The following RABL6 variants were observed in gnomAD, a reference collection of about 807,000 sequenced individuals.
The protein encoded by RABL6 is rab-like protein 6.
In RABL6, 28 loss-of-function variants were observed where a neutral mutation model predicts 72.9. The observed-to-expected ratio is 0.38, with a 90% CI of 0.28 to 0.53. The LOEUF (loss-of-function observed/expected upper bound fraction) is 0.53. Among genes scored for constraint, RABL6 ranks in the 20% least tolerant of loss-of-function variants. The probability of loss-of-function intolerance (pLI) is 0.80; values close to 1 mark genes in which losing one functional copy is unlikely to be tolerated. For synonymous variants in RABL6, 477 were observed against 421.2 expected, an observed-to-expected ratio of 1.13 and a Z score of -1.62; for missense variants, 1,029 against 1,008.4, an observed-to-expected ratio of 1.02 and a Z score of -0.28.
chr9:136,822,374 G>C (rs1848256806), intron 1 of RABL6, among the ~76,000 whole-genome samples: 1 of 152,096 alleles, frequency 6.6e-6, no homozygotes, highest in Non-Finnish European at 1.5e-5. Context: ...CTGGAAACGT[G>C]GAGGACGGCC....
intron 1 of RABL6, among the ~76,000 whole-genome samples, chr9:136,810,689 C>T (rs545348843): frequency 1.3e-4 from 20 of 152,176 alleles, no homozygotes; most frequent in Admixed American, 6.5e-4. Flanking sequence ...CTATAGGCAC[C>T]GGCCACCACG....
chr9:136,817,450 G>T, intron 1 of RABL6, among the ~76,000 whole-genome samples: 1 of 152,214 alleles, frequency 6.6e-6, no homozygotes, highest in East Asian at 1.9e-4. Context: ...AGAGGAGCAT[G>T]CAGTGGACTG....
At chr9:136,828,997 ACT>A (rs1380446166) in intron 4 of RABL6, among the ~76,000 whole-genome samples, 6 of 151,992 alleles carry the variant, frequency 3.9e-5, no homozygotes, top group African/African-American at 1.2e-4. Context: ...GGGTGGAGTG[ACT>A]CTGCCCACAG....
At chr9:136,819,118 C>T (rs183703410) in intron 1 of RABL6, among the ~76,000 whole-genome samples, 17 of 151,864 alleles carry the variant, frequency 1.1e-4, no homozygotes, top group East Asian at 1.9e-4. Flanking sequence ...GTCAGGAGAT[C>T]GAGACCATCC....
chr9:136,839,002 T>A lies in RABL6; in HGVS notation c.1374T>A (p.Pro458=). The change falls in exon 11 of 15, where the codon CCT becomes CCA. Residue 458 remains proline, a synonymous_variant. Transcript: ENST00000311502. ...AGCCACGTGGGAGTCCCCCGCTGCC[T>A]GCAGGCCCCGTCCCCAGTCAAGACA... is the stretch of plus-strand genomic sequence containing the variant. ...EDQPRGSPPL[P]AGPVPSQDIT... is the part of the protein sequence containing the mutation. The A allele has an allele frequency of 1.2e-6, 2 of 1,612,210 alleles. No individual in the cohort carries two copies. The highest frequency in any genetic ancestry group is 1.7e-6 in the Non-Finnish European group (2 of 1,179,686).
At chr9:136,828,641 C>T in intron 4 of RABL6, 95 bp downstream of exon 4, 1 of 1,355,834 alleles carries the variant, frequency 7.4e-7, no homozygotes, top group Non-Finnish European at 1.0e-6. Flanking sequence ...CCCCAACCAC[C>T]CCAGTTATGC....
At chr9:136,814,991 T>G (rs550890366) in intron 1 of RABL6, 2 of 175,062 alleles carry the variant, frequency 1.1e-5, no homozygotes, top group African/African-American at 4.8e-5. Flanking sequence ...AGGAACAGCA[T>G]TTGTAGAAGC....
chr9:136,828,392 C>T (rs1004640722), intron 3 of RABL6, 102 bp from the exon 4 acceptor site: 2 of 1,209,842 alleles, frequency 1.7e-6, no homozygotes, highest in African/African-American at 1.5e-5. Context: ...AGTAGAGCAC[C>T]CGCTGGAGCT....
intron 7 of RABL6, chr9:136,833,555 C>A (rs1848525618): frequency 1.1e-6 from 1 of 944,718 alleles, no homozygotes; most frequent in Non-Finnish European, 1.5e-6. Context: ...CCTGAATCTC[C>A]TCACCCTGGG....
chr9:136,813,161 G>A (rs1345212367), intron 1 of RABL6: 16 of 464,786 alleles, frequency 3.4e-5, no homozygotes, highest in Non-Finnish European at 1.2e-5. Context: ...AGTTTTAGAT[G>A]GCTGGCTCCT....
intron 5 of RABL6, chr9:136,831,136 T>C (rs1260082527): frequency 6.5e-6 from 1 of 154,644 alleles, no homozygotes; most frequent in East Asian, 1.9e-4. Context: ...CTTGAAGCGC[T>C]GGTTATTTCT....
At chr9:136,834,744 C>A (rs958477400) in intron 7 of RABL6, among the ~76,000 whole-genome samples, 13 of 152,082 alleles carry the variant, frequency 8.5e-5, no homozygotes, top group African/African-American at 3.1e-4. Flanking sequence ...CCCCAAAGTG[C>A]TGGGATTACA....
chr9:136,824,326 G>GTTTTTT (rs34760204), intron 2 of RABL6, among the ~76,000 whole-genome samples: 11 of 75,044 alleles, frequency 1.5e-4, no homozygotes, highest in South Asian at 5.4e-4. Flanking sequence ...GTTTGGTTGG[G>GTTTTTT]TTTTTTTTTT....
Position 136,822,956 on chromosome 9 carries a change from C to T in RABL6, c.131-569C>T, listed in dbSNP as rs201440023. On this transcript the variant is annotated intron_variant, in intron 1 of 14. Coordinates refer to ENST00000311502, the MANE Select transcript of RABL6 (RefSeq NM_024718.5). ...ACAAAAAATTAGCTGGACATGGTGG[C>T]GGGCGCCTGTAGTCCCAGCTACTCG... Among the ~76,000 whole-genome samples, 324 of 152,188 alleles carry T rather than the reference C, an allele frequency of 2.1e-3. 5 individuals carry two copies. The East Asian group carries it at 0.042, about 20-fold the overall frequency.
intron 1 of RABL6, among the ~76,000 whole-genome samples, chr9:136,816,312 C>T (rs1848117862): frequency 6.6e-6 from 1 of 152,000 alleles, no homozygotes; most frequent in Non-Finnish European, 1.5e-5. Flanking sequence ...ACCATGTTGC[C>T]CAGGCTGGTC....
chr9:136,840,771 G>A lies in RABL6; in HGVS notation c.*249G>A. The stretch of plus-strand genomic sequence containing the variant: ...TTCAGCCAGGCTCGGTGGACACCCT[G>A]GCCCTCTCGGGGCAGAGCCGCCAGT... On this transcript the variant is annotated 3_prime_UTR_variant, in exon 15 of 15. Coordinates refer to ENST00000311502, the MANE Select transcript of RABL6 (RefSeq NM_024718.5). 6.5e-7 allele frequency: 1 copy of A among 1,548,060 alleles called. No individual in the cohort carries two copies. Among genetic ancestry groups the A allele is most frequent in the Non-Finnish European group, 8.7e-7 (1 of 1,146,828 alleles).
At position 136,826,040 on chromosome 9, in the gene RABL6, A is replaced by G. The variant is rs1461391432; in HGVS notation, c.313+214A>G. Among the ~76,000 whole-genome samples the G allele has an allele frequency of 6.6e-6, 1 of 151,692 alleles. No homozygotes were observed. The highest frequency in any genetic ancestry group is 1.5e-5 in the Non-Finnish European group (1 of 67,934). On this transcript the variant is annotated intron_variant, in intron 3 of 14. Transcript: ENST00000311502. This position sits in a 1 kb window ranked among gnomAD's most constrained non-coding sequence, Gnocchi z 4.9. ...ACTGCATGCTTTGCTGCTTTAGCAT[A>G]CTCCCCGTCTCTGAGTGACCGCGTG...
Position 136,840,418 on chromosome 9 carries a change from C to CCGCGCAGCAGGGAGAGGA in RABL6, c.2089_2106dup (p.Arg697_Thr702dup), listed in dbSNP as rs1320430180. ...GCGGCGACGGCGGCAGCAGCGGCCCCCGCGCAGCAGGGAGAGGACGGCTGC... is the reference window on the plus strand; with the variant it reads ...GCGGCGACGGCGGCAGCAGCGGCCCCCGCGCAGCAGGGAGAGGACGCGCAGCAGGGAGAGGACGGCTGC... On this transcript the variant is annotated inframe_insertion, in exon 15 of 15. Coordinates refer to ENST00000311502, the MANE Select transcript of RABL6 (RefSeq NM_024718.5). 1.9e-6 allele frequency: 3 copies of CCGCGCAGCAGGGAGAGGA among 1,549,974 alleles called. No individual in the cohort carries two copies. The highest frequency in any genetic ancestry group is 2.7e-5 in the African/African-American group (2 of 73,022).
In RABL6 at chr9:136,826,737, C is replaced by G. The variant is rs1389603905; in HGVS notation, c.313+911C>G. The G allele has an allele frequency of 1.3e-5, 2 of 152,232 alleles. No individual in the cohort carries two copies. Among genetic ancestry groups the G allele is most frequent in the Non-Finnish European group, 2.9e-5 (2 of 68,114 alleles). 9.4% of individuals were successfully genotyped at this position (152,232 alleles called of 1,614,324 possible). A position where few individuals can be genotyped will look rare whatever the true frequency, so the allele number is the denominator to read the frequency against. Reference sequence around the variant, plus strand: ...GTGTTAGAGAGGTGGCCACCCACCGCCCTATCATTGTCCTCATCCCCACTG... The same window carrying G: ...GTGTTAGAGAGGTGGCCACCCACCGGCCTATCATTGTCCTCATCCCCACTG... On this transcript the variant is annotated intron_variant, in intron 3 of 14. Coordinates refer to ENST00000311502, the MANE Select transcript of RABL6 (RefSeq NM_024718.5). This position sits in a 1 kb window ranked among gnomAD's most constrained non-coding sequence, Gnocchi z 4.9.
Sources: allele counts gnomAD v4.1 joint callset (sites outside exome capture counted in the v4.1 genomes callset), GRCh38; gene constraint gnomAD v4.1.1; non-coding constraint Gnocchi (gnomAD v3.1); transcripts MANE v1.5; gene names NCBI Gene and HGNC (gene_info 2026-07-23, HGNC 2026-07-21).